NACC2: variants seen among roughly 807,000 people sequenced by gnomAD.
NACC2 encodes the protein NACC family member 2.
A neutral mutation model predicts 25.1 loss-of-function variants in NACC2; 8 were observed. The ratio of observed to expected loss-of-function variants is 0.32; its 90% CI spans 0.19 to 0.57. The LOEUF is 0.57. Ranked by LOEUF, NACC2 falls within the 20% of genes least tolerant of loss-of-function variation. The pLI, the probability that NACC2 is intolerant of heterozygous loss-of-function variation, is 0.89. For synonymous variants in NACC2, 435 were observed against 294.7 expected (o/e 1.48, Z -4.88); for missense variants, 644 against 650.2 (o/e 0.99, Z 0.10).
intron 2 of NACC2, among the ~76,000 whole-genome samples, chr9:136,046,713 C>T (rs993329625): frequency 2.0e-5 from 3 of 152,180 alleles, no homozygotes; most frequent in Admixed American, 1.3e-4. Context: ...TTTGATAAGG[C>T]ACTGGAGAAA....
At chr9:136,021,751 T>C (rs1258560043) in intron 2 of NACC2, among the ~76,000 whole-genome samples, 2 of 152,190 alleles carry the variant, frequency 1.3e-5, no homozygotes, top group African/African-American at 2.4e-5. Context: ...ACCATCCACA[T>C]GACGTGTTAC....
At chr9:136,047,717 G>C (rs1317839074) in intron 2 of NACC2, among the ~76,000 whole-genome samples, 5 of 152,246 alleles carry the variant, frequency 3.3e-5, no homozygotes, top group Admixed American at 3.3e-4. Context: ...ACACACATCC[G>C]GGACTCCACA....
Position 136,058,403 on chromosome 9 carries a change from C to T in NACC2, c.-59-7823G>A, listed in dbSNP as rs373823003. ...GATTCCCATCCTCAGGGGTGTCCGG[C>T]GGAAGCAGCAGGCACCTGCTCAGGA... On this transcript the variant is annotated intron_variant, in intron 1 of 5. Transcript: ENST00000277554. Among the ~76,000 whole-genome samples, 30 of 152,370 alleles carry T rather than the reference C, an allele frequency of 2.0e-4. 1 individual carries two copies. Among genetic ancestry groups the T allele is most frequent in the African/African-American group, 5.8e-4 (24 of 41,592 alleles).
At chr9:136,091,754 C>T (rs1306563883) in intron 1 of NACC2, among the ~76,000 whole-genome samples, 2 of 152,146 alleles carry the variant, frequency 1.3e-5, no homozygotes, top group African/African-American at 4.8e-5. Flanking sequence ...AGTAAGGAGC[C>T]CCAGCCAGCC....
intron 2 of NACC2, among the ~76,000 whole-genome samples, chr9:136,032,087 C>T (rs987208030): frequency 2.0e-5 from 3 of 152,240 alleles, no homozygotes; most frequent in East Asian, 3.8e-4. Flanking sequence ...TCCTGGGATC[C>T]CACCGGCCTT....
intron 1 of NACC2, among the ~76,000 whole-genome samples, chr9:136,051,898 AGGAGGAGGAGGAGATGGT>A (rs1263560137): frequency 5.0e-5 from 6 of 118,982 alleles, no homozygotes; most frequent in African/African-American, 1.4e-4. Context: ...GAGGAGGAGG[AGGAGGAGGAGGAGATGGT>A]GGAGGAGGAG....
At chr9:136,089,158 G>A (rs962467551) in intron 1 of NACC2, among the ~76,000 whole-genome samples, 3 of 151,944 alleles carry the variant, frequency 2.0e-5, no homozygotes, top group Admixed American at 6.5e-5. Flanking sequence ...GAGAACCAGC[G>A]GGGCGGCAGC....
At chr9:136,092,493 C>T (rs1053661165) in intron 1 of NACC2, among the ~76,000 whole-genome samples, 23 of 152,216 alleles carry the variant, frequency 1.5e-4, no homozygotes, top group African/African-American at 5.5e-4. Flanking sequence ...CGCTCCACGG[C>T]CTCACACCAC....
intron 1 of NACC2, among the ~76,000 whole-genome samples, chr9:136,060,889 GCCC>G (rs1175522880): frequency 6.6e-6 from 1 of 152,186 alleles, no homozygotes; most frequent in Non-Finnish European, 1.5e-5. Flanking sequence ...CATCCAGGAA[GCCC>G]CCCAACACAG....
intron 2 of NACC2, among the ~76,000 whole-genome samples, chr9:136,021,490 C>T (rs933558889): frequency 4.6e-5 from 7 of 152,220 alleles, no homozygotes; most frequent in South Asian, 4.1e-4. Flanking sequence ...GCAGCTGGGA[C>T]GTCCTGACCT....
intron 2 of NACC2, among the ~76,000 whole-genome samples, chr9:136,044,657 T>C (rs1163221916): frequency 6.6e-6 from 1 of 152,230 alleles, no homozygotes; most frequent in Non-Finnish European, 1.5e-5. Context: ...GCGATTTGCA[T>C]ACTCAGCAAC....
Position 136,050,262 on chromosome 9 carries a change from G to A in NACC2, c.260C>T (p.Thr87Met), listed in dbSNP as rs1840801030. The change falls in exon 2 of 6, where the codon ACG becomes ATG. Residue 87 changes from threonine (T) to methionine (M), a missense_variant. By Grantham distance (81) the Thr-to-Met change is moderately conservative (BLOSUM62 -1). Transcript: ENST00000277554. ...GCTGGCCGTCATGGTGAGCCTGCCCGTGTAGCAGAAGGACAGGATCTGCTG... is the reference window on the plus strand; with the variant it reads ...GCTGGCCGTCATGGTGAGCCTGCCCATGTAGCAGAAGGACAGGATCTGCTG... ...CFQQILSFCYTGRLTMTASEQ... is the reference protein window; with the variant it reads ...CFQQILSFCYMGRLTMTASEQ... 1.3e-6 allele frequency: 1 copy of A among 767,186 alleles called. No individual in the cohort carries two copies. 47.5% of individuals were successfully genotyped at this position (767,186 alleles called of 1,614,324 possible).
intron 2 of NACC2, among the ~76,000 whole-genome samples, chr9:136,037,144 A>G (rs1487989586): frequency 1.3e-5 from 2 of 152,248 alleles, no homozygotes; most frequent in Non-Finnish European, 1.5e-5. Context: ...TGAAAGATGA[A>G]GGTGACAATA....
chr9:136,046,832 C>G (rs1385651064), intron 2 of NACC2, among the ~76,000 whole-genome samples: 1 of 152,144 alleles, frequency 6.6e-6, no homozygotes, highest in African/African-American at 2.4e-5. Flanking sequence ...GCCACACAGA[C>G]CATGGGGCGG....
At chr9:136,028,171 G>A (rs1840421682) in intron 2 of NACC2, among the ~76,000 whole-genome samples, 1 of 149,132 alleles carries the variant, frequency 6.7e-6, no homozygotes, top group Non-Finnish European at 1.5e-5. Context: ...TGAGTGGCAG[G>A]AGCCACTCCA....
intron 1 of NACC2, among the ~76,000 whole-genome samples, chr9:136,078,574 T>C (rs902001897): frequency 6.6e-6 from 1 of 152,098 alleles, no homozygotes; most frequent in Non-Finnish European, 1.5e-5. Context: ...CCTGGATGCA[T>C]AGACGGGACT....
At chr9:136,076,950 G>A (rs947929347) in intron 1 of NACC2, among the ~76,000 whole-genome samples, 2 of 151,836 alleles carry the variant, frequency 1.3e-5, no homozygotes, top group African/African-American at 4.8e-5. Context: ...GGCCTGCAGT[G>A]AGCCGAGATC....
At chr9:136,089,378 C>T (rs769266927) in intron 1 of NACC2, among the ~76,000 whole-genome samples, 3 of 152,030 alleles carry the variant, frequency 2.0e-5, no homozygotes, top group Non-Finnish European at 4.4e-5. Flanking sequence ...TGCTAGAAAC[C>T]TAGCACCCGC....
chr9:136,079,756 C>T (rs1324232622), intron 1 of NACC2, among the ~76,000 whole-genome samples: 2 of 152,160 alleles, frequency 1.3e-5, no homozygotes, highest in African/African-American at 2.4e-5. Flanking sequence ...ACCCATTCTG[C>T]GACTAGGAAT....
Sources: allele counts gnomAD v4.1 joint callset (sites outside exome capture counted in the v4.1 genomes callset), GRCh38; gene constraint gnomAD v4.1.1; transcripts MANE v1.5; gene names NCBI Gene and HGNC (gene_info 2026-07-23, HGNC 2026-07-21).